The following ZNF33A variants were observed in gnomAD, a reference collection of about 807,000 sequenced individuals.
ZNF33A encodes zinc finger protein 33A.
A neutral mutation model predicts 15.9 loss-of-function variants in ZNF33A; 9 were observed. That is an observed-to-expected ratio of 0.57 (90% CI 0.34 to 0.99). ZNF33A has a LOEUF of 0.99. Among genes scored for constraint, ZNF33A ranks in the 50% least tolerant of loss-of-function variants. The pLI, the probability that ZNF33A is intolerant of heterozygous loss-of-function variation, is 0.02. For synonymous variants in ZNF33A, 294 were observed against 324.2 expected, an observed-to-expected ratio of 0.91 and a Z score of 1.00; for missense variants, 843 against 941.6, an observed-to-expected ratio of 0.90 and a Z score of 1.37.
At position 38,057,688 on chromosome 10, in the gene ZNF33A, C is replaced by T. The variant is rs2066542439; in HGVS notation, c.*1128C>T. On this transcript the variant is annotated 3_prime_UTR_variant, in exon 5 of 5. Transcript: ENST00000432900. ...AAGATCTAGGCTCGCCTCCATGTTA[C>T]TCCCTTTCTCTTCCTACCTGTGGCT... 1 of 985,244 alleles carries T rather than the reference C, an allele frequency of 1.0e-6. No individual in the cohort carries two copies. Among genetic ancestry groups the T allele is most frequent in the East Asian group, 1.1e-4 (1 of 8,778 alleles). The allele number at this position is 985,244 out of a possible 1,614,324, so 61.0% of individuals were successfully genotyped here.
At chr10:38,051,068 GT>G (rs71297780) in intron 4 of ZNF33A, among the ~76,000 whole-genome samples, 4,508 of 149,206 alleles carry the variant, frequency 0.03, 233 homozygotes, top group African/African-American at 0.1. Context: ...TTTAAAAATA[GT>G]TTTTTTTTTA....
intron 4 of ZNF33A, among the ~76,000 whole-genome samples, chr10:38,026,359 G>C (rs2064988852): frequency 2.0e-5 from 3 of 152,148 alleles, no homozygotes; most frequent in Non-Finnish European, 4.4e-5. Flanking sequence ...TTTTGAAACA[G>C]AGTCTTACCC....
intron 1 of ZNF33A, among the ~76,000 whole-genome samples, chr10:38,011,350 C>G (rs1423222965): frequency 6.6e-6 from 1 of 152,036 alleles, no homozygotes; most frequent in Non-Finnish European, 1.5e-5. Flanking sequence ...TTTGGGAGGC[C>G]GAGGCGGGTG....
chr10:38,012,803 A>T (rs1450318921), intron 2 of ZNF33A, among the ~76,000 whole-genome samples: 1 of 152,216 alleles, frequency 6.6e-6, no homozygotes, highest in African/African-American at 2.4e-5. Flanking sequence ...ATAAAGTAAC[A>T]GATCAATAGC....
At chr10:38,026,709 T>C (rs2065007706) in intron 4 of ZNF33A, among the ~76,000 whole-genome samples, 1 of 152,242 alleles carries the variant, frequency 6.6e-6, no homozygotes, top group Non-Finnish European at 1.5e-5. Context: ...GTTTTCCTTA[T>C]GTTTTCTTCT....
rs2066534628 is a variant in ZNF33A, at chr10:38,057,522, GT to G, written c.*964del. 1.0e-6 allele frequency: 1 copy of G among 985,230 alleles called. No individual in the cohort carries two copies. 61.0% of individuals were successfully genotyped at this position (985,230 alleles called of 1,614,324 possible). A position where few individuals can be genotyped will look rare whatever the true frequency, so the allele number is the denominator to read the frequency against. The stretch of plus-strand genomic sequence containing the variant: ...AAGTAGGTATCCTAGTTTAGTAGTG[GT>G]TACATTATCAGGCCCATCCCAGATG... On this transcript the variant is annotated 3_prime_UTR_variant, in exon 5 of 5. Coordinates refer to ENST00000432900, the MANE Select transcript of ZNF33A (RefSeq NM_006954.2).
intron 4 of ZNF33A, among the ~76,000 whole-genome samples, chr10:38,042,341 A>ACGCC (rs2065743245): frequency 6.6e-6 from 1 of 151,772 alleles, no homozygotes; most frequent in South Asian, 2.1e-4. Flanking sequence ...ATGTGCCACC[A>ACGCC]CAGCTAATTT....
intron 4 of ZNF33A, among the ~76,000 whole-genome samples, chr10:38,018,362 G>A (rs2135553763): frequency 6.6e-6 from 1 of 152,232 alleles, no homozygotes; most frequent in East Asian, 1.9e-4. Flanking sequence ...TGCTAGCCTT[G>A]GGCAGGAATG....
intron 4 of ZNF33A, among the ~76,000 whole-genome samples, chr10:38,043,222 A>G (rs1202142712): frequency 2.6e-5 from 4 of 152,042 alleles, no homozygotes; most frequent in East Asian, 1.9e-4. Context: ...GCTGGAAACC[A>G]TCATTCTCAG....
intron 4 of ZNF33A, among the ~76,000 whole-genome samples, chr10:38,049,723 T>TAGAAGA (rs1263894713): frequency 1.3e-5 from 2 of 151,854 alleles, no homozygotes; most frequent in African/African-American, 4.8e-5. Context: ...ATCCATATAG[T>TAGAAGA]AGAAGAAGAA....
chr10:38,055,815 A>T lies in ZNF33A; in HGVS notation c.1691A>T (p.His564Leu). ...ACPECGKFFS[H>L]KSTLSQHYRT... is the part of the protein sequence containing the mutation. Reference sequence around the variant, plus strand: ...CCCGAATGTGGGAAATTCTTTAGCCATAAGTCAACCCTCTCTCAACATTAT... The same window carrying T: ...CCCGAATGTGGGAAATTCTTTAGCCTTAAGTCAACCCTCTCTCAACATTAT... Residue 564 changes from histidine (H) to leucine (L), a missense_variant, in exon 5 of 5, where the codon CAT (histidine) becomes CTT (leucine). By Grantham distance (99) the His-to-Leu change is moderately conservative (BLOSUM62 -3). Transcript: ENST00000432900. The T allele has an allele frequency of 6.2e-7, 1 of 1,613,488 alleles. No individual in the cohort carries two copies. The highest frequency in any genetic ancestry group is 8.5e-7 in the Non-Finnish European group (1 of 1,179,718).
chr10:38,055,105 A>G lies in ZNF33A; in HGVS notation c.981A>G (p.Lys327=). The G allele has an allele frequency of 6.2e-7, 1 of 1,614,148 alleles. No homozygotes were observed. Among genetic ancestry groups the G allele is most frequent in the South Asian group, 1.1e-5 (1 of 91,088 alleles). ...TTCAGAAAGGTGATAAAGGAGAGAA[A>G]CACTTTGAATGTAATGAATGTGGGA... ...SHLQKGDKGE[K]HFECNECGKA... is the part of the protein sequence containing the mutation. The change falls in exon 5 of 5, where the codon AAA becomes AAG. Residue 327 remains lysine, a synonymous_variant. Transcript: ENST00000432900.
At chr10:38,032,109 A>T (rs908284823) in intron 4 of ZNF33A, among the ~76,000 whole-genome samples, 5 of 152,158 alleles carry the variant, frequency 3.3e-5, no homozygotes, top group Admixed American at 3.3e-4. Context: ...TCTACTGTCC[A>T]TTACACAGAC....
Position 38,034,743 on chromosome 10 carries a change from C to G in ZNF33A, c.250+17357C>G, listed in dbSNP as rs541674892. On this transcript the variant is annotated intron_variant, in intron 4 of 4. Coordinates refer to ENST00000432900, the MANE Select transcript of ZNF33A (RefSeq NM_006954.2). ...TTTCTTTCTGTCACTACAAGATGGT[C>G]CAGGCTCATCTTGTATATTTTCTTT... Among the ~76,000 whole-genome samples the G allele has an allele frequency of 2.0e-5, 3 of 152,196 alleles. No homozygotes were observed. The East Asian group carries it at 5.8e-4, about 29-fold the overall frequency.
rs201980427 is a variant in ZNF33A, at chr10:38,012,338, C to T, written c.-4C>T. The T allele has an allele frequency of 3.1e-6, 5 of 1,592,714 alleles. No homozygotes were observed. The African/African-American group carries it at 5.4e-5, about 17-fold the overall frequency. On this transcript the variant is annotated 5_prime_UTR_variant, in exon 2 of 5. An upstream open reading frame in the 5' UTR gains an earlier in-frame stop. Coordinates refer to ENST00000432900, the MANE Select transcript of ZNF33A (RefSeq NM_006954.2). Reference sequence around the variant, plus strand: ...TGTCTCCGTCTTTCCAAGAACAGAACAAAATGAACAAGGTAAGTTGTTTAT... The same window carrying T: ...TGTCTCCGTCTTTCCAAGAACAGAATAAAATGAACAAGGTAAGTTGTTTAT...
intron 4 of ZNF33A, among the ~76,000 whole-genome samples, chr10:38,054,111 TA>T (rs757605772): frequency 6.6e-6 from 1 of 152,232 alleles, no homozygotes; most frequent in Non-Finnish European, 1.5e-5. Context: ...TTATTCTTCT[TA>T]CACTAGAAAC....
chr10:38,023,176 C>T (rs2504135), intron 4 of ZNF33A, among the ~76,000 whole-genome samples: 1 of 152,140 alleles, frequency 6.6e-6, no homozygotes, highest in African/African-American at 2.4e-5. Context: ...CAACTCCTGA[C>T]CTCATGATCT....
intron 2 of ZNF33A, among the ~76,000 whole-genome samples, chr10:38,013,302 G>C (rs1389796292): frequency 6.8e-6 from 1 of 148,094 alleles, no homozygotes. Context: ...GTAGAGACGG[G>C]GTTTTACCGT....
Position 38,055,163 on chromosome 10 carries a change from C to T in ZNF33A, c.1039C>T (p.His347Tyr). The change falls in exon 5 of 5, where the codon CAT becomes TAT. Residue 347 changes from histidine (H) to tyrosine (Y), a missense_variant. By Grantham distance (83) the His-to-Tyr change is moderately conservative. Coordinates refer to ENST00000432900, the MANE Select transcript of ZNF33A (RefSeq NM_006954.2). ...AFWEKSHLTRHQRVHTGQKPF... is the reference protein window; with the variant it reads ...AFWEKSHLTRYQRVHTGQKPF... Reference sequence around the variant, plus strand: ...CTGGGAGAAGTCACATCTCACTCGACATCAGAGGGTGCACACAGGACAGAA... The same window carrying T: ...CTGGGAGAAGTCACATCTCACTCGATATCAGAGGGTGCACACAGGACAGAA... The T allele has an allele frequency of 1.2e-6, 2 of 1,614,060 alleles. No individual in the cohort carries two copies. The highest frequency in any genetic ancestry group is 1.7e-6 in the Non-Finnish European group (2 of 1,179,952).
Sources: allele counts gnomAD v4.1 joint callset (sites outside exome capture counted in the v4.1 genomes callset), GRCh38; gene constraint gnomAD v4.1.1; transcripts MANE v1.5; gene names NCBI Gene and HGNC (gene_info 2026-07-23, HGNC 2026-07-21).